The following FAM118B variants were observed in gnomAD, a reference collection of about 807,000 sequenced individuals.
The protein encoded by FAM118B is SIR2 antiphage like 1.
A neutral mutation model predicts 38.5 loss-of-function variants in FAM118B; 24 were observed. The ratio of observed to expected loss-of-function variants is 0.62; its 90% confidence interval spans 0.45 to 0.88. FAM118B has a LOEUF of 0.88. Ranked by LOEUF, FAM118B falls within the 40% of genes least tolerant of loss-of-function variation. The pLI is 0.00. For missense variants in FAM118B, 334 were observed against 420.0 expected (o/e 0.80, Z 1.79); for synonymous variants, 138 against 156.3 (o/e 0.88, Z 0.87).
intron 1 of FAM118B, among the ~76,000 whole-genome samples, chr11:126,227,704 G>T (rs1373893125): frequency 6.6e-6 from 1 of 152,144 alleles, no homozygotes; most frequent in Non-Finnish European, 1.5e-5. Context: ...GGACCTCCAG[G>T]ATATTTCACC....
At position 126,262,353 on chromosome 11, in the gene FAM118B, G is replaced by A. The variant is rs575352862; in HGVS notation, c.*220G>A. On this transcript the variant is annotated 3_prime_UTR_variant, in exon 9 of 9. Transcript: ENST00000533050. ...CCTGTTCAAGTTCAAGAATAAAAGC[G>A]ACAGCAGGACCCAAATGCAGCTCCC... is the stretch of plus-strand genomic sequence containing the variant. 428 of 572,352 alleles carry A rather than the reference G, an allele frequency of 7.5e-4. 4 individuals are homozygous for A. Among genetic ancestry groups the A allele is most frequent in the South Asian group, 1.2e-3 (55 of 46,018 alleles). 35.5% of individuals were successfully genotyped at this position (572,352 alleles called of 1,614,324 possible). A position where few individuals can be genotyped will look rare whatever the true frequency, so the allele number is the denominator to read the frequency against.
At position 126,244,080 on chromosome 11, in the gene FAM118B, A is replaced by G. The variant is rs1336391312; in HGVS notation, c.339+3036A>G. ...ACAAATGAAGGAATAATAGCAAACA[A>G]TAGAAGGTAACTACCTCAACACGAT... is the stretch of plus-strand genomic sequence containing the variant. On this transcript the variant is annotated intron_variant, in intron 4 of 8. Transcript: ENST00000533050. The surrounding 1 kb of genome is among the most constrained non-coding windows in gnomAD (Gnocchi z 4.5). Among the ~76,000 whole-genome samples the G allele has an allele frequency of 6.6e-6, 1 of 152,162 alleles. No individual in the cohort carries two copies. Among genetic ancestry groups the G allele is most frequent in the Non-Finnish European group, 1.5e-5 (1 of 68,030 alleles).
At chr11:126,215,348 C>T (rs1291973642) in intron 1 of FAM118B, among the ~76,000 whole-genome samples, 1 of 152,108 alleles carries the variant, frequency 6.6e-6, no homozygotes, top group South Asian at 2.1e-4. Flanking sequence ...AACTTTTTGC[C>T]ACTGAGCTAA....
chr11:126,254,570 T>C, intron 6 of FAM118B, 137 bp downstream of exon 6: 1 of 1,188,830 alleles, frequency 8.4e-7, no homozygotes, highest in Non-Finnish European at 1.2e-6. Context: ...CAGTGGCTCA[T>C]GCCTATAATC....
At chr11:126,229,932 G>A (rs933699433) in intron 2 of FAM118B, among the ~76,000 whole-genome samples, 1 of 152,174 alleles carries the variant, frequency 6.6e-6, no homozygotes, top group Non-Finnish European at 1.5e-5. Context: ...AGAACAAGTG[G>A]CATCAGTCTG....
intron 2 of FAM118B, 126 bp downstream of exon 2, chr11:126,229,419 A>G (rs1042253015): frequency 7.2e-5 from 11 of 152,156 alleles, no homozygotes; most frequent in African/African-American, 2.7e-4. Flanking sequence ...ATAGAAAATA[A>G]CAAGCAACAT....
chr11:126,254,269 C>G (rs776792642), intron 5 of FAM118B, 36 bp from the exon 6 acceptor site: 1 of 1,605,364 alleles, frequency 6.2e-7, no homozygotes, highest in East Asian at 2.2e-5. Flanking sequence ...GTGCTCAGCC[C>G]TGCCAAGCTG....
chr11:126,211,801 G>A lies in FAM118B; in HGVS notation c.-106G>A, dbSNP rs1193580237. 1.4e-6 allele frequency: 1 copy of A among 729,726 alleles called. No individual in the cohort carries two copies. Among genetic ancestry groups the A allele is most frequent in the Non-Finnish European group, 2.2e-6 (1 of 451,092 alleles). 45.2% of individuals were successfully genotyped at this position (729,726 alleles called of 1,614,324 possible). A position where few individuals can be genotyped will look rare whatever the true frequency, so the allele number is the denominator to read the frequency against. On this transcript the variant is annotated 5_prime_UTR_variant, in exon 1 of 9. Transcript: ENST00000533050. ...GCGGCTGCGCCGGCCGGTAGCTGCA[G>A]CTGGAGCAGTGGCGTTTGGAGGAGA...
At chr11:126,234,780 A>G (rs927096200) in intron 2 of FAM118B, among the ~76,000 whole-genome samples, 3 of 152,352 alleles carry the variant, frequency 2.0e-5, no homozygotes, top group Middle Eastern at 3.4e-3. Flanking sequence ...ATGGAGCACC[A>G]AAGTCCTATA....
At chr11:126,218,798 C>T (rs2135126215) in intron 1 of FAM118B, among the ~76,000 whole-genome samples, 1 of 152,274 alleles carries the variant, frequency 6.6e-6, no homozygotes, top group East Asian at 1.9e-4. Flanking sequence ...GCTAATATTT[C>T]TTTAGCTGAC....
At position 126,249,726 on chromosome 11, in the gene FAM118B, C is replaced by T. The variant is rs80208040; in HGVS notation, c.340-780C>T. 0.013 allele frequency among the ~76,000 whole-genome samples: 1,354 copies of T among 103,114 alleles called. 74 individuals are homozygous for T. The East Asian group carries it at 0.21, about 16-fold the overall frequency. The allele number at this position is 103,114 out of a possible 152,430, so 67.6% of individuals were successfully genotyped here. A position where few individuals can be genotyped will look rare whatever the true frequency, so the allele number is the denominator to read the frequency against. On this transcript the variant is annotated intron_variant, in intron 4 of 8. Transcript: ENST00000533050. ...CAGCCTGGGTGACAGAATGAGACTCCGTCTCAAAAAAAAAAAAAAAAAAAA... is the reference window on the plus strand; with the variant it reads ...CAGCCTGGGTGACAGAATGAGACTCTGTCTCAAAAAAAAAAAAAAAAAAAA...
rs1166874861 is a variant in FAM118B at position 126,253,928 on chromosome 11, GTCAC to G, written c.568-374_568-371del. Among the ~76,000 whole-genome samples, 4 of 152,222 alleles carry G rather than the reference GTCAC, an allele frequency of 2.6e-5. No homozygotes were observed. The highest frequency in any genetic ancestry group is 4.4e-5 in the Non-Finnish European group (3 of 68,044). ...AAGCAAGCCATGTGGTTAGCCTGGA[GTCAC>G]TCCGAAGAGGGGCCACACAAGGGCC... On this transcript the variant is annotated intron_variant, in intron 5 of 8. Coordinates refer to ENST00000533050, the MANE Select transcript of FAM118B (RefSeq NM_024556.4). This position sits in a 1 kb window ranked among gnomAD's most constrained non-coding sequence, Gnocchi z 5.1.
rs1950733007 is a variant in FAM118B, at chr11:126,262,953, T to TAA, written c.*821_*822insAA. ...TAAAAGGCAATTTATTTATGAAATT[T>TAA]ATTTTCTTATATAAATTACTTATTT... On this transcript the variant is annotated 3_prime_UTR_variant, in exon 9 of 9. Coordinates refer to ENST00000533050, the MANE Select transcript of FAM118B (RefSeq NM_024556.4). 6.5e-6 allele frequency: 1 copy of TAA among 152,682 alleles called. No individual in the cohort carries two copies. The highest frequency in any genetic ancestry group is 1.5e-5 in the Non-Finnish European group (1 of 68,050). 9.5% of individuals were successfully genotyped at this position (152,682 alleles called of 1,614,324 possible). A position where few individuals can be genotyped will look rare whatever the true frequency, so the allele number is the denominator to read the frequency against.
chr11:126,234,195 G>T (rs976124806), intron 2 of FAM118B, among the ~76,000 whole-genome samples: 1 of 152,226 alleles, frequency 6.6e-6, no homozygotes, highest in Admixed American at 6.5e-5. Context: ...AACGGTGGTA[G>T]TATGTATTGT....
At position 126,226,939 on chromosome 11, in the gene FAM118B, G is replaced by GAGAC. The variant is rs1290998031; in HGVS notation, c.-76-2285_-76-2282dup. Among the ~76,000 whole-genome samples the GAGAC allele has an allele frequency of 8.8e-5, 9 of 102,600 alleles. No individual in the cohort carries two copies. The East Asian group carries it at 2.6e-3, about 30-fold the overall frequency. The allele number at this position is 102,600 out of a possible 152,430, so 67.3% of individuals were successfully genotyped here. ...GCTATGATCATGCCTGGGCAACAGT[G>GAGAC]AGACCCCGTCCAAAAAAAAAAAAAA... On this transcript the variant is annotated intron_variant, in intron 1 of 8. Coordinates refer to ENST00000533050, the MANE Select transcript of FAM118B (RefSeq NM_024556.4).
rs1300525600 is a variant in FAM118B, at chr11:126,250,528, C to G, written c.362C>G (p.Thr121Arg). The G allele has an allele frequency of 6.2e-7, 1 of 1,613,876 alleles. No homozygotes were observed. The highest frequency in any genetic ancestry group is 1.7e-5 in the Admixed American group (1 of 60,010). Residue 121 changes from threonine to arginine, a missense_variant, in exon 5 of 9, where the codon ACA becomes AGA. Coordinates refer to ENST00000533050, the MANE Select transcript of FAM118B (RefSeq NM_024556.4). This position sits in a 1 kb window ranked among gnomAD's most constrained non-coding sequence, Gnocchi z 5.1. ...CAGCGTACCAGTAATGTTCGATCCA[C>G]ATTTTTCAAGGACTGTTTATATGAA... ...LSPRTSNVRSTFFKDCLYEVF... is the reference protein window; with the variant it reads ...LSPRTSNVRSRFFKDCLYEVF...
intron 7 of FAM118B, among the ~76,000 whole-genome samples, chr11:126,259,174 A>G (rs1204973441): frequency 2.6e-5 from 4 of 152,204 alleles, no homozygotes; most frequent in African/African-American, 4.8e-5. Context: ...TCACCCTTGC[A>G]TAATGTTTTG....
chr11:126,251,870 C>T lies in FAM118B; in HGVS notation c.567+1137C>T, dbSNP rs112375480. Among the ~76,000 whole-genome samples the T allele has an allele frequency of 7.2e-3, 1,086 of 151,494 alleles. 15 individuals carry two copies. Among genetic ancestry groups the T allele is most frequent in the African/African-American group, 0.025 (1,031 of 41,278 alleles). On this transcript the variant is annotated intron_variant, in intron 5 of 8. Coordinates refer to ENST00000533050, the MANE Select transcript of FAM118B (RefSeq NM_024556.4). ...GCTAATTTTGTATTTTTGGTAGAGA[C>T]GGGGTTTCTCCATGTTGGTCAGGCT... is the stretch of plus-strand genomic sequence containing the variant.
intron 1 of FAM118B, among the ~76,000 whole-genome samples, chr11:126,222,476 G>A (rs1342643291): frequency 6.6e-6 from 1 of 152,204 alleles, no homozygotes; most frequent in Non-Finnish European, 1.5e-5. Context: ...AGAGGAAAGT[G>A]CATGTAGCTT....
Sources: allele counts gnomAD v4.1 joint callset (sites outside exome capture counted in the v4.1 genomes callset), GRCh38; gene constraint gnomAD v4.1.1; non-coding constraint Gnocchi (gnomAD v3.1); transcripts MANE v1.5; gene names NCBI Gene and HGNC (gene_info 2026-07-23, HGNC 2026-07-21).